The following ABHD2 variants were observed in gnomAD, a reference collection of about 807,000 sequenced individuals.
ABHD2 encodes monoacylglycerol lipase ABHD2.
Under a neutral mutation model 48.1 loss-of-function variants are expected in ABHD2, and 20 were observed. The ratio of observed to expected loss-of-function variants is 0.42; its 90% CI spans 0.29 to 0.60. The LOEUF (loss-of-function observed/expected upper bound fraction) is 0.60, where lower values mean the gene tolerates loss of function less well. ABHD2 is among the 20% of genes least tolerant of loss of function. ABHD2 has a pLI of 0.24. For synonymous variants in ABHD2, 209 were observed against 214.2 expected (o/e 0.98, Z 0.21); for missense variants, 405 against 550.9 (o/e 0.74, Z 2.65).
intron 3 of ABHD2, among the ~76,000 whole-genome samples, chr15:89,134,129 C>T (rs140230690): frequency 0.03 from 4,498 of 152,228 alleles, 102 homozygotes; most frequent in Middle Eastern, 0.044. Flanking sequence ...TGAGCCACGG[C>T]GCCCGGCCGC....
intron 3 of ABHD2, among the ~76,000 whole-genome samples, chr15:89,147,661 C>G (rs1403895235): frequency 6.6e-6 from 1 of 151,718 alleles, no homozygotes; most frequent in Admixed American, 6.6e-5. Context: ...CTGCATAGCT[C>G]TTTTTAAAAC....
At chr15:89,086,271 C>T (rs1401225425), upstream of ABHD2, among the ~76,000 whole-genome samples, 1 of 152,216 alleles carries the variant, frequency 6.6e-6, no homozygotes, top group Non-Finnish European at 1.5e-5. Flanking sequence ...AGGTGATCCT[C>T]CTGCCTTGGC....
In ABHD2 at chr15:89,102,480, G is replaced by A. The variant is rs942158600; in HGVS notation, c.-106-11245G>A. ...AGTTTGCAAAACATCCCTCCCAGTG[G>A]TACTGATGCCTTTTCGCAGGTTCTG... is the stretch of plus-strand genomic sequence containing the variant. On this transcript the variant is annotated intron_variant, in intron 1 of 10. Coordinates refer to ENST00000352732, the MANE Select transcript of ABHD2 (RefSeq NM_152924.5). This position sits in a 1 kb window ranked among gnomAD's most constrained non-coding sequence, Gnocchi z 4.8. 9.9e-5 allele frequency: 15 copies of A among 152,258 alleles called. No homozygotes were observed. Among genetic ancestry groups the A allele is most frequent in the African/African-American group, 3.1e-4 (13 of 41,454 alleles). 9.4% of individuals were successfully genotyped at this position (152,258 alleles called of 1,614,324 possible).
intron 6 of ABHD2, among the ~76,000 whole-genome samples, chr15:89,180,384 A>C (rs2051089089): frequency 6.6e-6 from 1 of 152,170 alleles, no homozygotes. Flanking sequence ...GGGGCTTGGT[A>C]GGTGGCCATC....
At chr15:89,148,764 G>C (rs1454770019) in intron 3 of ABHD2, among the ~76,000 whole-genome samples, 1 of 152,210 alleles carries the variant, frequency 6.6e-6, no homozygotes, top group African/African-American at 2.4e-5. Flanking sequence ...CAGAAGAATG[G>C]AATAAGTGGA....
Position 89,094,732 on chromosome 15 carries a change from A to G in ABHD2, c.-107+6169A>G, listed in dbSNP as rs2049584520. Reference sequence around the variant, plus strand: ...CAAAACAGCAACAACAACAACAACAAAAACAAATAAGGAAATACAAAAGCC... The same window carrying G: ...CAAAACAGCAACAACAACAACAACAGAAACAAATAAGGAAATACAAAAGCC... On this transcript the variant is annotated intron_variant, in intron 1 of 10. Transcript: ENST00000352732. This position sits in a 1 kb window ranked among gnomAD's most constrained non-coding sequence, Gnocchi z 4.7. Among the ~76,000 whole-genome samples the G allele has an allele frequency of 6.6e-6, 1 of 151,724 alleles. No homozygotes were observed. The highest frequency in any genetic ancestry group is 1.9e-4 in the East Asian group (1 of 5,158).
At chr15:89,123,951 T>G (rs2050093485) in intron 3 of ABHD2, among the ~76,000 whole-genome samples, 1 of 152,192 alleles carries the variant, frequency 6.6e-6, no homozygotes, top group African/African-American at 2.4e-5. Context: ...CTTTTGATTT[T>G]TCTCTCAAAC....
At chr15:89,117,495 G>A (rs1223234554) in intron 3 of ABHD2, among the ~76,000 whole-genome samples, 1 of 152,150 alleles carries the variant, frequency 6.6e-6, no homozygotes, top group Admixed American at 6.5e-5. Flanking sequence ...CTTCCTCCAG[G>A]GCTCAGGCCA....
intron 8 of ABHD2, among the ~76,000 whole-genome samples, chr15:89,190,812 G>C (rs77878689): frequency 5.3e-5 from 8 of 152,110 alleles, no homozygotes; most frequent in Non-Finnish European, 1.0e-4. Flanking sequence ...GTAAATAACC[G>C]AAGCAGGATT....
chr15:89,101,662 C>T (rs1596063665), intron 1 of ABHD2, among the ~76,000 whole-genome samples: 1 of 152,264 alleles, frequency 6.6e-6, no homozygotes, highest in East Asian at 1.9e-4. Context: ...AGATATGAAT[C>T]ATCACTTTTA....
At chr15:89,135,988 G>T (rs1000948244) in intron 3 of ABHD2, 21 of 308,776 alleles carry the variant, frequency 6.8e-5, no homozygotes, top group Middle Eastern at 1.1e-3. Context: ...GTGCAATGGC[G>T]CAATCTCAGC....
chr15:89,156,518 A>G (rs904722239), intron 5 of ABHD2, among the ~76,000 whole-genome samples: 6 of 152,110 alleles, frequency 3.9e-5, no homozygotes, highest in Admixed American at 3.3e-4. Flanking sequence ...AGGCTGAGGC[A>G]GGTGGATCAC....
chr15:89,159,065 T>A (rs2050719748), intron 5 of ABHD2, among the ~76,000 whole-genome samples: 1 of 151,976 alleles, frequency 6.6e-6, no homozygotes, highest in South Asian at 2.1e-4. Flanking sequence ...GCCAGGGAGA[T>A]GTGAGTGTCG....
At chr15:89,126,861 G>T (rs1596089230) in intron 3 of ABHD2, among the ~76,000 whole-genome samples, 1 of 152,278 alleles carries the variant, frequency 6.6e-6, no homozygotes, top group Middle Eastern at 3.4e-3. Context: ...GAGTCTGTTT[G>T]GGATCCTGAG....
the ABHD2 span, among the ~76,000 whole-genome samples, chr15:89,052,332 C>G: frequency 5.9e-5 from 9 of 152,082 alleles, no homozygotes; most frequent in Non-Finnish European, 1.3e-4. Flanking sequence ...AGCTGACATA[C>G]ATGTGTAATT....
At chr15:89,067,118 T>A in the ABHD2 span, among the ~76,000 whole-genome samples, 1 of 151,594 alleles carries the variant, frequency 6.6e-6, no homozygotes, top group Non-Finnish European at 1.5e-5. Context: ...TCCAGTGGAG[T>A]TAAAGGAATG....
chr15:89,131,831 G>C (rs749363883), intron 3 of ABHD2, among the ~76,000 whole-genome samples: 1 of 152,164 alleles, frequency 6.6e-6, no homozygotes, highest in Non-Finnish European at 1.5e-5. Context: ...AGACGTAAGA[G>C]AGCTAGCACC....
chr15:89,159,175 G>GCAGGT (rs1273422309), intron 5 of ABHD2, among the ~76,000 whole-genome samples: 1 of 151,946 alleles, frequency 6.6e-6, no homozygotes, highest in East Asian at 1.9e-4. Flanking sequence ...TCAGGAGTTT[G>GCAGGT]AGAGCAGCCT....
Position 89,182,304 on chromosome 15 carries a change from C to T in ABHD2, c.723-3120C>T, listed in dbSNP as rs1445196195. ...TACCCTCCTTCCAGCAAGATTCACT[C>T]TGAATTTTGCAAAGCCATTCCCTCC... On this transcript the variant is annotated intron_variant, in intron 6 of 10. Coordinates refer to ENST00000352732, the MANE Select transcript of ABHD2 (RefSeq NM_152924.5). The surrounding 1 kb of genome is among the most constrained non-coding windows in gnomAD (Gnocchi z 4.8). 6.6e-6 allele frequency among the ~76,000 whole-genome samples: 1 copy of T among 152,208 alleles called. No homozygotes were observed. The highest frequency in any genetic ancestry group is 1.5e-5 in the Non-Finnish European group (1 of 68,032).
Sources: gnomAD v4.1 joint callset for allele counts (sites outside exome capture counted in the v4.1 genomes callset) on GRCh38, gnomAD v4.1.1 for gene constraint, Gnocchi (gnomAD v3.1) non-coding constraint, MANE v1.5 for transcripts, NCBI Gene and HGNC (gene_info 2026-07-23, HGNC 2026-07-21) for gene names.